Variants in VPS50 observed in about 807,000 individuals in gnomAD.
VPS50 encodes the protein VPS50 subunit of EARP/GARPII complex.
In VPS50, 70 loss-of-function variants were observed where a neutral mutation model predicts 139.7. The ratio of observed to expected loss-of-function variants is 0.50; its 90% CI spans 0.41 to 0.61. The LOEUF is 0.61. VPS50 is among the 20% of genes least tolerant of loss of function. VPS50 has a pLI of 0.00. For synonymous variants in VPS50, 365 were observed against 376.7 expected (o/e 0.97, Z 0.36); for missense variants, 921 against 1,133.7 (o/e 0.81, Z 2.69).
At chr7:93,323,096 G>A (rs1797665840) in intron 20 of VPS50, among the ~76,000 whole-genome samples, 1 of 151,876 alleles carries the variant, frequency 6.6e-6, no homozygotes, top group African/African-American at 2.4e-5. Context: ...CAGGGCAATG[G>A]GCAGTATCTT....
At chr7:93,264,557 C>T (rs1795782200) in intron 9 of VPS50, among the ~76,000 whole-genome samples, 1 of 152,156 alleles carries the variant, frequency 6.6e-6, no homozygotes, top group African/African-American at 2.4e-5. Flanking sequence ...TTCTTGAGTA[C>T]TGTACTTTAA....
intron 21 of VPS50, among the ~76,000 whole-genome samples, chr7:93,329,256 C>T (rs1385244043): frequency 1.3e-5 from 2 of 151,590 alleles, no homozygotes; most frequent in African/African-American, 4.8e-5. Context: ...CTGGTAGTGA[C>T]AATAATAAAA....
chr7:93,275,944 C>T (rs1026070406), intron 11 of VPS50: 10 of 500,730 alleles, frequency 2.0e-5, no homozygotes, highest in African/African-American at 1.1e-4. Context: ...GCAGTGTTCA[C>T]GAGTCACATT....
In VPS50 at chr7:93,294,138, G is replaced by A. The variant is rs1289519333; in HGVS notation, c.1076-407G>A. On this transcript the variant is annotated intron_variant, in intron 13 of 27. Transcript: ENST00000305866. ...TAAAATATATGCATTATCACCTCACGCCTGAGTTTTAATGTAGACTATCCT... is the reference window on the plus strand; with the variant it reads ...TAAAATATATGCATTATCACCTCACACCTGAGTTTTAATGTAGACTATCCT... Among the ~76,000 whole-genome samples the A allele has an allele frequency of 2.0e-5, 3 of 152,146 alleles. No homozygotes were observed. The East Asian group carries it at 5.8e-4, about 29-fold the overall frequency.
chr7:93,304,317 A>C (rs116491460), intron 17 of VPS50, among the ~76,000 whole-genome samples: 2,308 of 151,890 alleles, frequency 0.015, 73 homozygotes, highest in African/African-American at 0.053. Flanking sequence ...ATAAATGTAA[A>C]GAATACATAA....
intron 20 of VPS50, among the ~76,000 whole-genome samples, chr7:93,322,635 A>G (rs747712367): frequency 9.9e-5 from 15 of 151,344 alleles, no homozygotes; most frequent in Non-Finnish European, 1.6e-4. Context: ...GTACCAATTT[A>G]AAATTATAGC....
At chr7:93,257,907 C>T (rs1398468538) in intron 6 of VPS50, 4 of 317,806 alleles carry the variant, frequency 1.3e-5, no homozygotes, top group African/African-American at 4.3e-5. Context: ...TGTTTTTAAG[C>T]GCTTATTCTC....
At chr7:93,280,027 A>G (rs1289557958) in intron 12 of VPS50, among the ~76,000 whole-genome samples, 2 of 152,174 alleles carry the variant, frequency 1.3e-5, no homozygotes, top group Non-Finnish European at 2.9e-5. Context: ...CTGAGATGAA[A>G]TTAGTGTTCC....
chr7:93,240,241 ACACACACACTCT>A (rs1313240109), intron 2 of VPS50, among the ~76,000 whole-genome samples: 8 of 145,944 alleles, frequency 5.5e-5, no homozygotes, highest in Admixed American at 4.1e-4. Flanking sequence ...ACACACACAC[ACACACACACTCT>A]CTCTCTCTCT....
At chr7:93,307,221 A>G (rs1280764681) in intron 18 of VPS50, among the ~76,000 whole-genome samples, 1 of 151,888 alleles carries the variant, frequency 6.6e-6, no homozygotes, top group Non-Finnish European at 1.5e-5. Context: ...CCATCAGTAC[A>G]TAATCTGAAT....
At chr7:93,353,994 C>G (rs1486299956) in intron 26 of VPS50, among the ~76,000 whole-genome samples, 2 of 152,070 alleles carry the variant, frequency 1.3e-5, no homozygotes, top group African/African-American at 4.8e-5. Context: ...AATGCAGAAT[C>G]TAATGGTTAT....
At chr7:93,357,385 T>C (rs1207802782) in intron 27 of VPS50, among the ~76,000 whole-genome samples, 1 of 152,160 alleles carries the variant, frequency 6.6e-6, no homozygotes, top group Non-Finnish European at 1.5e-5. Flanking sequence ...CAGCAGGGAC[T>C]CTTTTCTGTC....
At chr7:93,278,362 G>A (rs1287161901) in intron 12 of VPS50, among the ~76,000 whole-genome samples, 4 of 151,892 alleles carry the variant, frequency 2.6e-5, no homozygotes, top group Admixed American at 2.6e-4. Flanking sequence ...CCAGCACTTT[G>A]GGAGGCCAAG....
intron 4 of VPS50, 64 bp downstream of exon 4, chr7:93,253,995 T>G: frequency 1.2e-6 from 1 of 805,608 alleles, no homozygotes; most frequent in Non-Finnish European, 2.0e-6. Context: ...CAGAGAGGTA[T>G]AATGTTTGCA....
At chr7:93,237,347 A>G (rs1794842192) in intron 1 of VPS50, among the ~76,000 whole-genome samples, 1 of 152,202 alleles carries the variant, frequency 6.6e-6, no homozygotes, top group Admixed American at 6.5e-5. Flanking sequence ...CAAGAAAGTC[A>G]GGATACAAAC....
intron 11 of VPS50, among the ~76,000 whole-genome samples, chr7:93,275,304 A>T (rs1796120592): frequency 6.6e-6 from 1 of 152,196 alleles, no homozygotes; most frequent in South Asian, 2.1e-4. Context: ...TGTGGATAAA[A>T]TGCTATCAAA....
At chr7:93,306,659 G>A (rs527707768) in intron 18 of VPS50, among the ~76,000 whole-genome samples, 58 of 151,998 alleles carry the variant, frequency 3.8e-4, no homozygotes, top group Admixed American at 9.2e-4. Flanking sequence ...ACAGGGAGAG[G>A]AATGCTTGCT....
Position 93,358,725 on chromosome 7 carries a change from T to G in VPS50, c.*289T>G, listed in dbSNP as rs189188031. On this transcript the variant is annotated 3_prime_UTR_variant, in exon 28 of 28. Coordinates refer to ENST00000305866, the MANE Select transcript of VPS50 (RefSeq NM_017667.4). ...ATACATTTTACAGAAGAATGTACCA[T>G]AAGTATATAATTAGAAGAACAGTGG... is the stretch of plus-strand genomic sequence containing the variant. 9.5e-4 allele frequency: 218 copies of G among 230,250 alleles called. 3 individuals carry two copies. The highest frequency in any genetic ancestry group is 4.8e-3 in the African/African-American group (213 of 44,802). 14.3% of individuals were successfully genotyped at this position (230,250 alleles called of 1,614,324 possible).
chr7:93,307,976 C>T (rs1342489177), intron 18 of VPS50, among the ~76,000 whole-genome samples: 1 of 151,924 alleles, frequency 6.6e-6, no homozygotes, highest in Non-Finnish European at 1.5e-5. Context: ...GGAGATAAAA[C>T]TTCCTCATAG....
Sources: gnomAD v4.1 joint callset for allele counts (sites outside exome capture counted in the v4.1 genomes callset) on GRCh38, gnomAD v4.1.1 for gene constraint, MANE v1.5 for transcripts, NCBI Gene and HGNC (gene_info 2026-07-23, HGNC 2026-07-21) for gene names.